The following FGF12 variants were observed in gnomAD, a reference collection of about 807,000 sequenced individuals.
FGF12 encodes fibroblast growth factor 12.
In FGF12, 14 loss-of-function variants were observed where a neutral mutation model predicts 23.6. The observed-to-expected ratio is 0.59, with a 90% CI of 0.39 to 0.93. FGF12 has a LOEUF of 0.93. FGF12 is among the 40% of genes least tolerant of loss of function. The pLI is 0.00. For synonymous variants in FGF12, 62 were observed against 77.3 expected (o/e 0.80, Z 1.04); for missense variants, 175 against 217.8 (o/e 0.80, Z 1.24).
intron 2 of FGF12, among the ~76,000 whole-genome samples, chr3:192,585,586 G>A (rs1713338945): frequency 6.6e-6 from 1 of 152,076 alleles, no homozygotes; most frequent in South Asian, 2.1e-4. Flanking sequence ...GGTTGGGCCT[G>A]TAGAACTCTG....
chr3:192,696,621 T>C (rs139945871), intron 2 of FGF12, among the ~76,000 whole-genome samples: 60 of 152,302 alleles, frequency 3.9e-4, no homozygotes, highest in African/African-American at 1.4e-3. Flanking sequence ...CACTACTTAC[T>C]AAATGGGTGA....
At chr3:192,222,267 C>T (rs1296400632) in intron 4 of FGF12, among the ~76,000 whole-genome samples, 1 of 152,082 alleles carries the variant, frequency 6.6e-6, no homozygotes, top group East Asian at 1.9e-4. Context: ...TGAAATACAG[C>T]ATTCTTAACA....
intron 2 of FGF12, among the ~76,000 whole-genome samples, chr3:192,495,789 C>T (rs758695358): frequency 1.3e-5 from 2 of 152,126 alleles, no homozygotes; most frequent in South Asian, 2.1e-4. Flanking sequence ...AACTCAGCCT[C>T]GAGTAGTTGG....
At chr3:192,452,039 GA>G (rs1378158840) in intron 2 of FGF12, among the ~76,000 whole-genome samples, 2 of 152,090 alleles carry the variant, frequency 1.3e-5, no homozygotes, top group African/African-American at 4.8e-5. Flanking sequence ...GTGCAATATT[GA>G]ATAGAAGTAA....
intron 4 of FGF12, among the ~76,000 whole-genome samples, chr3:192,308,484 C>T (rs1715768033): frequency 6.6e-6 from 1 of 152,064 alleles, no homozygotes; most frequent in African/African-American, 2.4e-5. Context: ...TTGAGACCAG[C>T]CTGACCAACA....
chr3:192,532,602 C>T (rs1335445913), intron 2 of FGF12, among the ~76,000 whole-genome samples: 3 of 151,900 alleles, frequency 2.0e-5, no homozygotes, highest in African/African-American at 4.8e-5. Context: ...TGATTTTGTA[C>T]CAAACTTTTG....
At chr3:192,655,884 C>T (rs2366853) in intron 2 of FGF12, among the ~76,000 whole-genome samples, 86,220 of 151,196 alleles carry the variant, frequency 0.57, 24,952 homozygotes, top group East Asian at 0.67. Flanking sequence ...GAGGTGAACA[C>T]AAGCATGAGG....
At chr3:192,441,999 T>C (rs1349570888) in intron 2 of FGF12, among the ~76,000 whole-genome samples, 1 of 152,228 alleles carries the variant, frequency 6.6e-6, no homozygotes, top group Non-Finnish European at 1.5e-5. Flanking sequence ...CAATTGTACA[T>C]ACATTTTAGA....
intron 2 of FGF12, among the ~76,000 whole-genome samples, chr3:192,593,104 C>T (rs1188358134): frequency 6.6e-6 from 1 of 151,794 alleles, no homozygotes; most frequent in African/African-American, 2.4e-5. Context: ...TCTTCTGTTC[C>T]GCAAAATCCT....
At chr3:192,550,239 T>C (rs1275371115) in intron 2 of FGF12, among the ~76,000 whole-genome samples, 2 of 151,250 alleles carry the variant, frequency 1.3e-5, no homozygotes, top group African/African-American at 4.8e-5. Flanking sequence ...TGTACAGATA[T>C]ATATGTATGT....
chr3:192,489,511 C>G (rs1723736584), intron 2 of FGF12, among the ~76,000 whole-genome samples: 1 of 151,978 alleles, frequency 6.6e-6, no homozygotes, highest in Admixed American at 6.6e-5. Context: ...TAATCATAAT[C>G]AACGCAAGCC....
chr3:192,727,176 CATACCTT>C lies in FGF12; in HGVS notation c.11_13+4del. 1 of 1,579,252 alleles carries C rather than the reference CATACCTT, an allele frequency of 6.3e-7. No homozygotes were observed. The highest frequency in any genetic ancestry group is 8.6e-7 in the Non-Finnish European group (1 of 1,162,412). ...GGAAGTCCCCCGATAGGGACAACCA[CATACCTT>C]TGCTCTCCATTTCGGTCCCTTTCGA... On this transcript the variant is annotated splice_donor_variant and splice_donor_region_variant and coding_sequence_variant and intron_variant, in exon 2 of 6. Coordinates refer to ENST00000445105, the MANE Select transcript of FGF12 (RefSeq NM_004113.6). LOFTEE classifies it high-confidence loss of function.
At chr3:192,563,687 AATG>A (rs1307198087) in intron 2 of FGF12, among the ~76,000 whole-genome samples, 19 of 152,246 alleles carry the variant, frequency 1.2e-4, no homozygotes, top group Admixed American at 3.9e-4. Context: ...TAATTAATAA[AATG>A]ATATTTAACT....
At chr3:192,527,857 C>T (rs907577942) in intron 2 of FGF12, among the ~76,000 whole-genome samples, 1 of 152,134 alleles carries the variant, frequency 6.6e-6, no homozygotes, top group Non-Finnish European at 1.5e-5. Flanking sequence ...CAAGAGAAGA[C>T]AGCTTATGCA....
chr3:192,395,609 G>C (rs1361220896), intron 2 of FGF12, among the ~76,000 whole-genome samples: 1 of 152,176 alleles, frequency 6.6e-6, no homozygotes, highest in Admixed American at 6.5e-5. Context: ...GAAATGACAG[G>C]GCGCTTGCCC....
intron 4 of FGF12, among the ~76,000 whole-genome samples, chr3:192,334,232 G>C (rs1267286056): frequency 6.6e-6 from 1 of 152,054 alleles, no homozygotes; most frequent in African/African-American, 2.4e-5. Context: ...GGAGTTCAGA[G>C]GAGACTTGAG....
Position 192,408,241 on chromosome 3 carries a change from C to T in FGF12, c.14-47703G>A, listed in dbSNP as rs1159375154. ...GCAGCCATAGCTGCTCAGCGAGGGC[C>T]TCAGGCCCCAGCCTCTACTGCGCCC... is the stretch of plus-strand genomic sequence containing the variant. On this transcript the variant is annotated intron_variant, in intron 2 of 5. Transcript: ENST00000445105. This position sits in a 1 kb window ranked among gnomAD's most constrained non-coding sequence, Gnocchi z 7.3. 2 of 1,582,564 alleles carry T rather than the reference C, an allele frequency of 1.3e-6. No individual in the cohort carries two copies. Among genetic ancestry groups the T allele is most frequent in the Non-Finnish European group, 1.7e-6 (2 of 1,168,798 alleles).
At chr3:192,406,576 A>T (rs1720966046) in intron 2 of FGF12, among the ~76,000 whole-genome samples, 1 of 152,194 alleles carries the variant, frequency 6.6e-6, no homozygotes, top group African/African-American at 2.4e-5. Context: ...TTATAAAATG[A>T]ACATGCTATA....
chr3:192,723,306 A>G (rs1026116210), intron 2 of FGF12, among the ~76,000 whole-genome samples: 12 of 152,090 alleles, frequency 7.9e-5, no homozygotes, highest in Admixed American at 7.8e-4. Flanking sequence ...TGTATCCAAA[A>G]ACAACCAGAA....
Sources: allele counts gnomAD v4.1 joint callset (sites outside exome capture counted in the v4.1 genomes callset), GRCh38; gene constraint gnomAD v4.1.1; non-coding constraint Gnocchi (gnomAD v3.1); transcripts MANE v1.5; gene names NCBI Gene and HGNC (gene_info 2026-07-23, HGNC 2026-07-21).